The following STX8 variants were observed in gnomAD, a reference collection of about 807,000 sequenced individuals.
STX8 encodes syntaxin-8.
Under a neutral mutation model 37.5 loss-of-function variants are expected in STX8, and 23 were observed. The ratio of observed to expected loss-of-function variants is 0.61; its 90% CI spans 0.44 to 0.87. STX8 has a LOEUF of 0.87. Ranked by LOEUF, STX8 falls within the 40% of genes least tolerant of loss-of-function variation. STX8 has a pLI of 0.00. For synonymous variants in STX8, 115 were observed against 99.1 expected, an observed-to-expected ratio of 1.16 and a Z score of -0.95; for missense variants, 313 against 284.7, an observed-to-expected ratio of 1.10 and a Z score of -0.71.
At chr17:9,519,157 C>T (rs1170700653) in intron 4 of STX8, among the ~76,000 whole-genome samples, 2 of 152,148 alleles carry the variant, frequency 1.3e-5, no homozygotes, top group African/African-American at 4.8e-5. Flanking sequence ...AACAGACTTA[C>T]AAATTTGTCT....
intron 7 of STX8, among the ~76,000 whole-genome samples, chr17:9,376,921 A>C (rs1225117136): frequency 2.6e-5 from 4 of 152,244 alleles, no homozygotes; most frequent in Non-Finnish European, 4.4e-5. Flanking sequence ...CATAGATAAC[A>C]AAGTCCCTGT....
intron 7 of STX8, among the ~76,000 whole-genome samples, chr17:9,280,303 T>C (rs1435330499): frequency 3.9e-5 from 6 of 152,228 alleles, no homozygotes; most frequent in Non-Finnish European, 8.8e-5. Context: ...CTCACGCCTG[T>C]AATCCCAGAT....
intron 7 of STX8, among the ~76,000 whole-genome samples, chr17:9,372,438 G>T (rs536027463): frequency 6.6e-6 from 1 of 152,098 alleles, no homozygotes; most frequent in Admixed American, 6.6e-5. Context: ...CTACAGAAGT[G>T]TCTGGCTTTA....
intron 6 of STX8, among the ~76,000 whole-genome samples, chr17:9,451,051 G>A (rs1025467051): frequency 6.6e-6 from 1 of 151,764 alleles, no homozygotes. Context: ...CTATCTTAAA[G>A]CAATGGTGCT....
chr17:9,500,799 G>A (rs971524437), intron 5 of STX8, among the ~76,000 whole-genome samples: 2 of 152,052 alleles, frequency 1.3e-5, no homozygotes, highest in Non-Finnish European at 2.9e-5. Context: ...TCAGGAGATT[G>A]AGACCATCCT....
At chr17:9,380,750 G>A (rs941516370) in intron 6 of STX8, among the ~76,000 whole-genome samples, 14 of 105,302 alleles carry the variant, frequency 1.3e-4, no homozygotes, top group African/African-American at 5.0e-4. Flanking sequence ...TCTCACTCTT[G>A]TCGCCCAGGC....
At chr17:9,524,313 C>T (rs1217697936) in intron 4 of STX8, among the ~76,000 whole-genome samples, 2 of 152,212 alleles carry the variant, frequency 1.3e-5, no homozygotes, top group Non-Finnish European at 2.9e-5. Context: ...ATTTACTGCT[C>T]ACAGTTCTGG....
chr17:9,551,602 G>C (rs1189328067), intron 3 of STX8, among the ~76,000 whole-genome samples: 2 of 150,050 alleles, frequency 1.3e-5, no homozygotes, highest in African/African-American at 5.0e-5. Context: ...CTTCCCCAGG[G>C]GTGTTGGTAA....
At chr17:9,491,740 T>C in intron 6 of STX8, 89 bp downstream of exon 6, 1 of 1,121,810 alleles carries the variant, frequency 8.9e-7, no homozygotes, top group Non-Finnish European at 1.3e-6. Context: ...ACTTTACATG[T>C]TGTATAATCT....
At chr17:9,387,436 A>C (rs1347867845) in intron 6 of STX8, among the ~76,000 whole-genome samples, 1 of 152,090 alleles carries the variant, frequency 6.6e-6, no homozygotes, top group Admixed American at 6.5e-5. Context: ...ATGGGACTAC[A>C]GGCGCCCGCC....
chr17:9,355,260 C>A (rs577642890), intron 7 of STX8, among the ~76,000 whole-genome samples: 2 of 151,222 alleles, frequency 1.3e-5, no homozygotes, highest in East Asian at 1.9e-4. Flanking sequence ...TGTGGCATTC[C>A]TACTCTTTCG....
chr17:9,542,633 C>A (rs948086527), intron 4 of STX8, among the ~76,000 whole-genome samples: 3 of 149,994 alleles, frequency 2.0e-5, no homozygotes, highest in Non-Finnish European at 3.0e-5. Flanking sequence ...GCCAAGATTG[C>A]GCCACTGCAC....
intron 7 of STX8, among the ~76,000 whole-genome samples, chr17:9,312,564 A>C (rs1909229452): frequency 6.6e-6 from 1 of 152,176 alleles, no homozygotes; most frequent in Non-Finnish European, 1.5e-5. Flanking sequence ...AGAGTAAGGA[A>C]ATTCAGTGCT....
At chr17:9,528,799 G>A (rs571587051) in intron 4 of STX8, among the ~76,000 whole-genome samples, 28 of 151,056 alleles carry the variant, frequency 1.9e-4, no homozygotes, top group East Asian at 5.8e-4. Flanking sequence ...ATCCCTCTTC[G>A]TTAAAAAAAA....
At chr17:9,444,679 T>C (rs1904778137) in intron 6 of STX8, among the ~76,000 whole-genome samples, 1 of 152,214 alleles carries the variant, frequency 6.6e-6, no homozygotes, top group African/African-American at 2.4e-5. Context: ...AATATATTTA[T>C]CTTCTATGTA....
chr17:9,447,304 G>A (rs2142396236), intron 6 of STX8, among the ~76,000 whole-genome samples: 1 of 152,314 alleles, frequency 6.6e-6, no homozygotes, highest in East Asian at 1.9e-4. Context: ...TAAATTACAA[G>A]AATGAAGTGT....
intron 7 of STX8, among the ~76,000 whole-genome samples, chr17:9,314,455 T>A (rs1909310139): frequency 6.6e-6 from 1 of 152,094 alleles, no homozygotes; most frequent in Non-Finnish European, 1.5e-5. Flanking sequence ...TGGAGTGCAG[T>A]GATATGATCT....
chr17:9,360,784 T>C (rs1243527407), intron 7 of STX8, among the ~76,000 whole-genome samples: 6 of 152,096 alleles, frequency 3.9e-5, no homozygotes. Context: ...AAAGAACATT[T>C]GGAGGCTGCT....
At chr17:9,325,290 G>A (rs574087489) in intron 7 of STX8, among the ~76,000 whole-genome samples, 3 of 152,144 alleles carry the variant, frequency 2.0e-5, no homozygotes, top group Admixed American at 2.0e-4. Context: ...TATACCTCAA[G>A]TTGTGAATAG....
Sources: gnomAD v4.1 joint callset for allele counts (sites outside exome capture counted in the v4.1 genomes callset) on GRCh38, gnomAD v4.1.1 for gene constraint, MANE v1.5 for transcripts, NCBI Gene and HGNC (gene_info 2026-07-23, HGNC 2026-07-21) for gene names.